The following CBFA2T3 variants were observed in gnomAD, a reference collection of about 807,000 sequenced individuals.
CBFA2T3 encodes the protein CBFA2/RUNX1 partner transcriptional co-repressor 3.
In CBFA2T3, 31 loss-of-function variants were observed where a neutral mutation model predicts 58.6. That is an observed-to-expected ratio of 0.53 (90% confidence interval 0.40 to 0.71). The LOEUF is 0.71. Among genes scored for constraint, CBFA2T3 ranks in the 30% least tolerant of loss-of-function variants. The pLI is 0.00. For missense variants in CBFA2T3, 1,076 were observed against 963.1 expected (o/e 1.12, Z -1.55); for synonymous variants, 531 against 421.9 (o/e 1.26, Z -3.17).
At chr16:88,938,658 T>G (rs1304796687) in intron 1 of CBFA2T3, 1 of 152,240 alleles carries the variant, frequency 6.6e-6, no homozygotes, top group Non-Finnish European at 1.5e-5. Context: ...CCTTCACCTG[T>G]GGCACCAATA....
At chr16:88,907,054 C>T (rs1367080360) in intron 1 of CBFA2T3, among the ~76,000 whole-genome samples, 2 of 152,036 alleles carry the variant, frequency 1.3e-5, no homozygotes, top group Admixed American at 6.5e-5. Context: ...CTTTCAAACC[C>T]CAAGGGGTTT....
chr16:88,898,520 C>T lies in CBFA2T3; in HGVS notation c.305-368G>A, dbSNP rs186274290. Reference sequence around the variant, plus strand: ...AAGGGCCGTTCTGGCAGCACTGTTCCGGAGTTTACAAGAACCGCGGCTTCT... The same window carrying T: ...AAGGGCCGTTCTGGCAGCACTGTTCTGGAGTTTACAAGAACCGCGGCTTCT... On this transcript the variant is annotated intron_variant, in intron 2 of 11. Transcript: ENST00000268679. 1.1e-3 allele frequency among the ~76,000 whole-genome samples: 161 copies of T among 152,334 alleles called. 1 individual carries two copies. Among genetic ancestry groups the T allele is most frequent in the Admixed American group, 4.2e-3 (64 of 15,302 alleles).
intron 1 of CBFA2T3, among the ~76,000 whole-genome samples, chr16:88,915,840 C>G (rs980041282): frequency 6.6e-6 from 1 of 152,046 alleles, no homozygotes; most frequent in South Asian, 2.1e-4. Context: ...GGCTGGTCAC[C>G]TCAGTCAGAA....
chr16:88,914,741 C>G (rs929962887), intron 1 of CBFA2T3, among the ~76,000 whole-genome samples: 1 of 152,200 alleles, frequency 6.6e-6, no homozygotes, highest in Non-Finnish European at 1.5e-5. Flanking sequence ...GCCGGTTGAG[C>G]AAAGCCTGGA....
At chr16:88,971,135 GGTCTCCCTCT>G (rs1203588483) in intron 1 of CBFA2T3, among the ~76,000 whole-genome samples, 1 of 151,938 alleles carries the variant, frequency 6.6e-6, no homozygotes, top group Non-Finnish European at 1.5e-5. Flanking sequence ...TTAAAGACAC[GGTCTCCCTCT>G]GTCATCCAGG....
Position 88,901,651 on chromosome 16 carries a change from C to A in CBFA2T3, c.157G>T (p.Val53Leu). 1 of 1,528,594 alleles carries A rather than the reference C, an allele frequency of 6.5e-7. No homozygotes were observed. The highest frequency in any genetic ancestry group is 8.7e-7 in the Non-Finnish European group (1 of 1,149,736). The allele number at this position is 1,528,594 out of a possible 1,614,324, so 94.7% of individuals were successfully genotyped here. The change falls in exon 2 of 12, where the codon GTG becomes TTG. Residue 53 changes from valine to leucine, a missense_variant. Coordinates refer to ENST00000268679, the MANE Select transcript of CBFA2T3 (RefSeq NM_005187.6). ...RGPRKGGPAP[V>L]DRKAKASAMP... ...GCTGAGGCCTTAGCTTTCCTGTCCACTGGGGCTGCGACCAACGGAGAAAGA... is the reference window on the plus strand; with the variant it reads ...GCTGAGGCCTTAGCTTTCCTGTCCAATGGGGCTGCGACCAACGGAGAAAGA...
At chr16:88,908,124 T>C (rs146820524) in intron 1 of CBFA2T3, among the ~76,000 whole-genome samples, 1,897 of 152,220 alleles carry the variant, frequency 0.012, 8 homozygotes, top group East Asian at 0.021. Flanking sequence ...GGCAAACCAC[T>C]TGAGGTCAGG....
chr16:88,930,461 A>G (rs112482804), intron 1 of CBFA2T3, among the ~76,000 whole-genome samples: 2 of 152,160 alleles, frequency 1.3e-5, no homozygotes, highest in Non-Finnish European at 2.9e-5. Context: ...GCGTCCATCA[A>G]CGGACACACA....
intron 1 of CBFA2T3, among the ~76,000 whole-genome samples, chr16:88,924,290 G>A (rs572784403): frequency 6.6e-6 from 1 of 152,330 alleles, no homozygotes; most frequent in Non-Finnish European, 1.5e-5. Context: ...GCTGACGTGG[G>A]GCACACTGCG....
intron 1 of CBFA2T3, among the ~76,000 whole-genome samples, chr16:88,906,646 C>G (rs141985035): frequency 6.6e-6 from 1 of 152,206 alleles, no homozygotes; most frequent in South Asian, 2.1e-4. Context: ...GCTAATGTCA[C>G]GGAGGAACCT....
rs531728112 is a variant in CBFA2T3 at position 88,969,638 on chromosome 16, G to C, written c.151+7019C>G. ...CACAGACCAGGGAGCCGAGGGAGAG[G>C]GGGGCGGGGCCGGCCTGACGACGCA... On this transcript the variant is annotated intron_variant, in intron 1 of 11. Coordinates refer to ENST00000268679, the MANE Select transcript of CBFA2T3 (RefSeq NM_005187.6). Among the ~76,000 whole-genome samples the C allele has an allele frequency of 1.4e-4, 22 of 152,374 alleles. No individual in the cohort carries two copies. The East Asian group carries it at 3.9e-3, about 27-fold the overall frequency.
rs116638072 is a variant in CBFA2T3 at position 88,956,239 on chromosome 16, C to T, written c.151+20418G>A. Reference sequence around the variant, plus strand: ...AATGGCCAGGAAACTGAGTCAGAGCCTGTTTATCACGCGTGTGACGGAGGG... The same window carrying T: ...AATGGCCAGGAAACTGAGTCAGAGCTTGTTTATCACGCGTGTGACGGAGGG... On this transcript the variant is annotated intron_variant, in intron 1 of 11. Transcript: ENST00000268679. Among the ~76,000 whole-genome samples the T allele has an allele frequency of 8.6e-3, 1,308 of 152,406 alleles. 17 individuals carry two copies. Among genetic ancestry groups the T allele is most frequent in the Middle Eastern group, 0.031 (9 of 294 alleles).
chr16:88,969,053 C>T (rs928821521), intron 1 of CBFA2T3, among the ~76,000 whole-genome samples: 1 of 152,200 alleles, frequency 6.6e-6, no homozygotes, highest in Non-Finnish European at 1.5e-5. Flanking sequence ...CTGGTGCCCC[C>T]GTTTTGAGGA....
rs113459673 is a variant in CBFA2T3, at chr16:88,881,591, G to A, written c.1204-102C>T. 193 of 1,220,928 alleles carry A rather than the reference G, an allele frequency of 1.6e-4. No individual in the cohort carries two copies. The Middle Eastern group carries it at 3.4e-3, about 22-fold the overall frequency. The allele number at this position is 1,220,928 out of a possible 1,614,324, so 75.6% of individuals were successfully genotyped here. ...AGAGCCCCGGACAGGATGGGTGCCC[G>A]ACCAGCCCACCGCCCGTGAGAGTAA... On this transcript the variant is annotated intron_variant, in intron 8 of 11. Coordinates refer to ENST00000268679, the MANE Select transcript of CBFA2T3 (RefSeq NM_005187.6).
chr16:88,933,213 G>C (rs1262657343), intron 1 of CBFA2T3, among the ~76,000 whole-genome samples: 4 of 152,242 alleles, frequency 2.6e-5, no homozygotes. Flanking sequence ...TCAACTCCTG[G>C]GGGCTGTTTT....
chr16:88,954,473 C>T (rs1438212662), intron 1 of CBFA2T3, among the ~76,000 whole-genome samples: 10 of 137,036 alleles, frequency 7.3e-5, no homozygotes, highest in Admixed American at 5.5e-4. Context: ...TGTCCTGACC[C>T]CAGCCAAGGC....
intron 1 of CBFA2T3, chr16:88,936,863 C>A (rs906461977): frequency 6.6e-6 from 1 of 152,298 alleles, no homozygotes; most frequent in South Asian, 2.1e-4. Flanking sequence ...GAGTCCCCAG[C>A]TCCCACCCTC....
At chr16:88,973,133 G>A (rs560698314) in intron 1 of CBFA2T3, among the ~76,000 whole-genome samples, 12 of 152,312 alleles carry the variant, frequency 7.9e-5, no homozygotes, top group Admixed American at 5.2e-4. Flanking sequence ...CCCTCCCACC[G>A]CGCCCCCTTG....
chr16:88,964,545 T>A (rs1039021895), intron 1 of CBFA2T3, among the ~76,000 whole-genome samples: 1 of 152,174 alleles, frequency 6.6e-6, no homozygotes. Context: ...CTTCATGGGG[T>A]CTTTAATGTC....
Sources: gnomAD v4.1 joint callset for allele counts (sites outside exome capture counted in the v4.1 genomes callset) on GRCh38, gnomAD v4.1.1 for gene constraint, MANE v1.5 for transcripts, NCBI Gene and HGNC (gene_info 2026-07-23, HGNC 2026-07-21) for gene names.